The following KCNIP4 variants were observed in gnomAD, a reference collection of about 807,000 sequenced individuals.
KCNIP4 encodes potassium voltage-gated channel interacting protein 4, also known as Kv channel-interacting protein 4.
Under a neutral mutation model 34.0 loss-of-function variants are expected in KCNIP4, and 12 were observed. The ratio of observed to expected loss-of-function variants is 0.35; its 90% CI spans 0.23 to 0.57. The LOEUF (loss-of-function observed/expected upper bound fraction) is 0.57. Among genes scored for constraint, KCNIP4 ranks in the 20% least tolerant of loss-of-function variants. KCNIP4 has a pLI of 0.83. For synonymous variants in KCNIP4, 124 were observed against 102.2 expected, an observed-to-expected ratio of 1.21 and a Z score of -1.29; for missense variants, 238 against 311.7, an observed-to-expected ratio of 0.76 and a Z score of 1.78.
chr4:20,854,716 A>G (rs931548086), intron 2 of KCNIP4, among the ~76,000 whole-genome samples: 7 of 152,192 alleles, frequency 4.6e-5, no homozygotes, highest in Admixed American at 6.5e-5. Context: ...TTGGGCTACA[A>G]AATAAAATGT....
In KCNIP4 at chr4:21,838,039, C is replaced by T. The variant is rs138002736; in HGVS notation, c.61+110532G>A. Among the ~76,000 whole-genome samples, 614 of 152,116 alleles carry T rather than the reference C, an allele frequency of 4.0e-3. 4 individuals carry two copies. The highest frequency in any genetic ancestry group is 0.014 in the African/African-American group (584 of 41,502). On this transcript the variant is annotated intron_variant, in intron 1 of 8. Coordinates refer to ENST00000382152, the MANE Select transcript of KCNIP4 (RefSeq NM_025221.6). ...AAATAATTTATTACTCACTTAAAAG[C>T]TATAAAATATTAAATATAAAACTTA...
intron 1 of KCNIP4, chr4:21,697,589 C>T: frequency 7.3e-7 from 1 of 1,375,130 alleles, no homozygotes; most frequent in African/African-American, 1.5e-5. Context: ...CTGTTAGCGC[C>T]TCAATCAGAA....
At chr4:21,795,772 T>A (rs940337398) in intron 1 of KCNIP4, among the ~76,000 whole-genome samples, 6 of 152,114 alleles carry the variant, frequency 3.9e-5, no homozygotes, top group Non-Finnish European at 5.9e-5. Flanking sequence ...TTGAAAAAAA[T>A]AAATAAATAA....
At chr4:21,817,603 G>A (rs1722064266) in intron 1 of KCNIP4, among the ~76,000 whole-genome samples, 1 of 152,140 alleles carries the variant, frequency 6.6e-6, no homozygotes, top group Non-Finnish European at 1.5e-5. Context: ...TTCCTAGCAA[G>A]GAATGTTAGT....
chr4:21,322,125 G>A (rs1578075837), intron 1 of KCNIP4, among the ~76,000 whole-genome samples: 1 of 126,270 alleles, frequency 7.9e-6, no homozygotes, highest in African/African-American at 3.0e-5. Context: ...AAGAAAGGAA[G>A]AAGGAAGGAA....
chr4:21,121,779 T>G (rs1750179767), intron 1 of KCNIP4, among the ~76,000 whole-genome samples: 1 of 152,212 alleles, frequency 6.6e-6, no homozygotes, highest in Admixed American at 6.5e-5. Flanking sequence ...ATTCCCATGT[T>G]TCCAGTACGA....
intron 1 of KCNIP4, among the ~76,000 whole-genome samples, chr4:21,267,116 T>C (rs1262126686): frequency 1.3e-5 from 2 of 152,160 alleles, no homozygotes; most frequent in African/African-American, 4.8e-5. Flanking sequence ...ATGAACACAA[T>C]GGATGCTGAC....
intron 1 of KCNIP4, among the ~76,000 whole-genome samples, chr4:21,541,467 T>C (rs1737688607): frequency 1.3e-5 from 2 of 152,112 alleles, no homozygotes; most frequent in African/African-American, 4.8e-5. Context: ...GAGTTCACTG[T>C]ATAAAAGAAT....
intron 1 of KCNIP4, among the ~76,000 whole-genome samples, chr4:21,406,257 T>C (rs1453787797): frequency 6.6e-6 from 1 of 152,218 alleles, no homozygotes; most frequent in Non-Finnish European, 1.5e-5. Context: ...TACTGAACTT[T>C]TAAAGACTAT....
At chr4:21,219,230 G>T (rs1287411031) in intron 1 of KCNIP4, among the ~76,000 whole-genome samples, 1 of 152,100 alleles carries the variant, frequency 6.6e-6, no homozygotes, top group Non-Finnish European at 1.5e-5. Flanking sequence ...TGAAAGGTAA[G>T]CTGACCCTGC....
chr4:20,992,997 C>T (rs963491032), intron 1 of KCNIP4, among the ~76,000 whole-genome samples: 1 of 125,058 alleles, frequency 8.0e-6, no homozygotes, highest in Non-Finnish European at 1.6e-5. Flanking sequence ...CACTGCACTC[C>T]AGCACAGGCG....
Position 20,990,574 on chromosome 4 carries a change from A to T in KCNIP4, c.62-107865T>A, listed in dbSNP as rs1343974774. Among the ~76,000 whole-genome samples the T allele has an allele frequency of 2.0e-5, 3 of 152,344 alleles. No homozygotes were observed. In the East Asian group the frequency reaches 5.8e-4, roughly 29 times the overall value. On this transcript the variant is annotated intron_variant, in intron 1 of 8. Coordinates refer to ENST00000382152, the MANE Select transcript of KCNIP4 (RefSeq NM_025221.6). ...CTTGAAAATAGTCCTCATGAATCTT[A>T]TGATCAAAGCATGTATAGTATGTAA...
intron 4 of KCNIP4, among the ~76,000 whole-genome samples, chr4:20,756,454 G>A (rs1393373336): frequency 6.6e-6 from 1 of 152,110 alleles, no homozygotes; most frequent in African/African-American, 2.4e-5. Context: ...AGTCTTCCCT[G>A]TGTATAAACA....
chr4:21,174,139 A>C (rs1396617170), intron 1 of KCNIP4, among the ~76,000 whole-genome samples: 2 of 152,196 alleles, frequency 1.3e-5, no homozygotes, highest in South Asian at 2.1e-4. Flanking sequence ...GGATCCACTC[A>C]ATTTTTGCCT....
chr4:21,661,106 G>A (rs34090690), intron 1 of KCNIP4, among the ~76,000 whole-genome samples: 35,166 of 152,080 alleles, frequency 0.23, 4,694 homozygotes, highest in Non-Finnish European at 0.3. Context: ...AACACATCAA[G>A]AGAAGTTCTT....
intron 1 of KCNIP4, among the ~76,000 whole-genome samples, chr4:21,393,877 C>T (rs1422277744): frequency 6.6e-6 from 1 of 151,882 alleles, no homozygotes; most frequent in Non-Finnish European, 1.5e-5. Context: ...ATAAACACTC[C>T]AATAATTAAT....
chr4:21,762,825 T>G (rs1173528672), intron 1 of KCNIP4: 6 of 720,602 alleles, frequency 8.3e-6, no homozygotes, highest in Non-Finnish European at 1.2e-5. Flanking sequence ...AATGTTCACA[T>G]GAAGAATGTG....
chr4:20,966,569 T>C (rs1314241873), intron 1 of KCNIP4, among the ~76,000 whole-genome samples: 1 of 152,224 alleles, frequency 6.6e-6, no homozygotes, highest in African/African-American at 2.4e-5. Flanking sequence ...TAGTTCATAA[T>C]GTAGTCAAGT....
At chr4:21,484,780 A>G (rs1419815358) in intron 1 of KCNIP4, among the ~76,000 whole-genome samples, 3 of 152,150 alleles carry the variant, frequency 2.0e-5, no homozygotes, top group Non-Finnish European at 4.4e-5. Context: ...CCAATGGCCC[A>G]TTGTTCTTTC....
Sources: allele counts gnomAD v4.1 joint callset (sites outside exome capture counted in the v4.1 genomes callset), GRCh38; gene constraint gnomAD v4.1.1; transcripts MANE v1.5; gene names NCBI Gene and HGNC (gene_info 2026-07-23, HGNC 2026-07-21).